Variants in CFAP97 observed in about 807,000 individuals in gnomAD.
CFAP97 encodes the protein cilia- and flagella-associated protein 97.
In CFAP97, 36 loss-of-function variants were observed where a neutral mutation model predicts 43.1. The ratio of observed to expected loss-of-function variants is 0.84; its 90% CI spans 0.64 to 1.10. The LOEUF is 1.10. Ranked by LOEUF, CFAP97 falls within the 50% of genes least tolerant of loss-of-function variation. The probability of loss-of-function intolerance (pLI) is 0.00; values close to 1 mark genes in which losing one functional copy is unlikely to be tolerated. For missense variants in CFAP97, 657 were observed against 620.3 expected, an observed-to-expected ratio of 1.06 and a Z score of -0.63; for synonymous variants, 228 against 225.7, an observed-to-expected ratio of 1.01 and a Z score of -0.09.
chr4:185,159,851 T>C lies in CFAP97; in HGVS notation c.*2947A>G, dbSNP rs569446501. On this transcript the variant is annotated 3_prime_UTR_variant, in exon 5 of 5. Transcript: ENST00000458385. ...TTCTAAGATTGTATATAATCATTTATAGGTTAAGACTTTTTTGGCATTGAA... is the reference window on the plus strand; with the variant it reads ...TTCTAAGATTGTATATAATCATTTACAGGTTAAGACTTTTTTGGCATTGAA... The C allele has an allele frequency of 1.3e-5, 2 of 152,372 alleles. No individual in the cohort carries two copies. The highest frequency in any genetic ancestry group is 2.4e-5 in the African/African-American group (1 of 41,594). 9.4% of individuals were successfully genotyped at this position (152,372 alleles called of 1,614,324 possible). A position where few individuals can be genotyped will look rare whatever the true frequency, so the allele number is the denominator to read the frequency against.
At chr4:185,199,447 T>TCACCTGATCCACCTGAGGTCAGGTGATC (rs1459196071) in intron 1 of CFAP97, among the ~76,000 whole-genome samples, 1 of 152,016 alleles carries the variant, frequency 6.6e-6, no homozygotes, top group Non-Finnish European at 1.5e-5. Context: ...GGCAGGTGGA[T>TCACCTGATCCACCTGAGGTCAGGTGATC]CACCTGAGGT....
At position 185,190,996 on chromosome 4, in the gene CFAP97, C is replaced by A; in HGVS notation, c.201G>T (p.Lys67Asn). Residue 67 changes from lysine to asparagine, a missense_variant, in exon 2 of 5, where the codon AAG (lysine) becomes AAT (asparagine). Coordinates refer to ENST00000458385, the MANE Select transcript of CFAP97 (RefSeq NM_020827.3). ...GAAATTTCACGTTTCTTTCATTTCCCTTCTCAGTAAGATAATTTTCTGTTG... is the reference window on the plus strand; with the variant it reads ...GAAATTTCACGTTTCTTTCATTTCCATTCTCAGTAAGATAATTTTCTGTTG... ...MQTTENYLTE[K>N]GNERNVKFPP... The A allele has an allele frequency of 6.2e-7, 1 of 1,613,596 alleles. No homozygotes were observed. Among genetic ancestry groups the A allele is most frequent in the Non-Finnish European group, 8.5e-7 (1 of 1,179,686 alleles).
chr4:185,190,221 C>A lies in CFAP97; in HGVS notation c.976G>T (p.Val326Leu), dbSNP rs1736172905. The change falls in exon 2 of 5, where the codon GTG (valine) becomes TTG (leucine). Residue 326 changes from valine (V) to leucine (L), a missense_variant. Val to Leu is a conservative substitution (Grantham distance 32, BLOSUM62 1). Coordinates refer to ENST00000458385, the MANE Select transcript of CFAP97 (RefSeq NM_020827.3). ...CTGTGGTCTAAACTGGAGTCTAACA[C>A]TGAAGACGACTTTGAGGAGACATCA... Reference protein sequence around the residue: ...EPDVSSKSSSVLDSSLDHRHK... With the variant: ...EPDVSSKSSSLLDSSLDHRHK... 2.5e-6 allele frequency: 4 copies of A among 1,613,570 alleles called. No homozygotes were observed. Among genetic ancestry groups the A allele is most frequent in the Non-Finnish European group, 3.4e-6 (4 of 1,179,766 alleles).
intron 2 of CFAP97, among the ~76,000 whole-genome samples, chr4:185,180,280 C>G (rs1011410978): frequency 1.2e-4 from 18 of 152,078 alleles, no homozygotes; most frequent in African/African-American, 3.6e-4. Context: ...ACACGGAACA[C>G]AAAATTTACC....
At position 185,175,416 on chromosome 4, in the gene CFAP97, GCCACCATGC is replaced by G. The variant is rs1303464242; in HGVS notation, c.1320+361_1320+369del. 2.6e-5 allele frequency among the ~76,000 whole-genome samples: 4 copies of G among 152,108 alleles called. No individual in the cohort carries two copies. The East Asian group carries it at 7.7e-4, about 29-fold the overall frequency. ...CAAGTATCTGGGACCACGGGTGTGT[GCCACCATGC>G]CCACCATGCCCAGTTAATTTCTGCA... On this transcript the variant is annotated intron_variant, in intron 3 of 4. Transcript: ENST00000458385.
At chr4:185,199,811 T>C (rs1414132496) in intron 1 of CFAP97, among the ~76,000 whole-genome samples, 1 of 150,064 alleles carries the variant, frequency 6.7e-6, no homozygotes, top group Non-Finnish European at 1.5e-5. Flanking sequence ...TTAAGCCCAC[T>C]GTTGAGATCG....
intron 2 of CFAP97, among the ~76,000 whole-genome samples, chr4:185,177,664 G>A (rs1183024770): frequency 3.3e-5 from 5 of 151,674 alleles, no homozygotes; most frequent in Non-Finnish European, 7.4e-5. Flanking sequence ...GCAAAACCCC[G>A]TCTCTACTAA....
intron 4 of CFAP97, 44 bp from the exon 5 acceptor site, chr4:185,162,969 C>A: frequency 6.8e-7 from 1 of 1,480,018 alleles, no homozygotes; most frequent in African/African-American, 1.4e-5. Flanking sequence ...CTTCTCCTCA[C>A]TTGAAGTCCA....
intron 3 of CFAP97, among the ~76,000 whole-genome samples, chr4:185,174,517 T>G (rs1735438589): frequency 6.6e-6 from 1 of 152,188 alleles, no homozygotes; most frequent in African/African-American, 2.4e-5. Flanking sequence ...CAAGTTTAGG[T>G]AAGTATATGG....
intron 3 of CFAP97, chr4:185,170,033 A>G: frequency 8.6e-7 from 1 of 1,162,608 alleles, no homozygotes; most frequent in African/African-American, 1.6e-5. Context: ...CCCTTTAATT[A>G]TTCCACATAA....
intron 4 of CFAP97, among the ~76,000 whole-genome samples, chr4:185,163,506 A>C (rs1734949646): frequency 6.6e-6 from 1 of 151,636 alleles, no homozygotes; most frequent in Non-Finnish European, 1.5e-5. Flanking sequence ...CTAAATGGTC[A>C]CTCCATTCCT....
At chr4:185,182,059 AT>A (rs1275428507) in intron 2 of CFAP97, 2 of 152,158 alleles carry the variant, frequency 1.3e-5, no homozygotes, top group African/African-American at 4.8e-5. Context: ...TGTAGTGATT[AT>A]TTCATAGTTT....
upstream of CFAP97, among the ~76,000 whole-genome samples, chr4:185,204,781 T>G (rs992266529): frequency 6.6e-6 from 1 of 151,810 alleles, no homozygotes; most frequent in African/African-American, 2.4e-5. Context: ...GAGGTTGGAG[T>G]GATGTCAGAG....
intron 2 of CFAP97, among the ~76,000 whole-genome samples, chr4:185,187,501 T>C (rs967313111): frequency 2.7e-5 from 4 of 150,116 alleles, no homozygotes; most frequent in African/African-American, 9.8e-5. Context: ...CTCCCAAAGA[T>C]AGATGTCTAG....
At chr4:185,181,555 C>A (rs1735791712) in intron 2 of CFAP97, among the ~76,000 whole-genome samples, 1 of 152,014 alleles carries the variant, frequency 6.6e-6, no homozygotes, top group African/African-American at 2.4e-5. Context: ...GAACACCCGA[C>A]CTCAGGTGAT....
At chr4:185,195,803 G>A (rs190553136) in intron 1 of CFAP97, among the ~76,000 whole-genome samples, 3 of 152,260 alleles carry the variant, frequency 2.0e-5, no homozygotes, top group African/African-American at 7.2e-5. Flanking sequence ...CCACTGAATG[G>A]TGAATAGGTC....
intron 2 of CFAP97, among the ~76,000 whole-genome samples, chr4:185,181,929 C>G (rs913664040): frequency 2.0e-5 from 3 of 152,162 alleles, no homozygotes; most frequent in African/African-American, 7.2e-5. Flanking sequence ...GAACAAGGCA[C>G]TTCACTTCAA....
rs1734812655 is a variant in CFAP97, at chr4:185,159,787, C to A, written c.*3011G>T. ...AATTTTAAGTTTCTTACTAATCTTT[C>A]CTCATAGAAATAAAGAAGCCATAAC... On this transcript the variant is annotated 3_prime_UTR_variant, in exon 5 of 5. Transcript: ENST00000458385. 1 of 152,128 alleles carries A rather than the reference C, an allele frequency of 6.6e-6. No individual in the cohort carries two copies. The highest frequency in any genetic ancestry group is 2.1e-4 in the South Asian group (1 of 4,824). The allele number at this position is 152,128 out of a possible 1,614,324, so 9.4% of individuals were successfully genotyped here. A position where few individuals can be genotyped will look rare whatever the true frequency, so the allele number is the denominator to read the frequency against.
At chr4:185,190,074 A>C in intron 2 of CFAP97, 69 bp downstream of exon 2, 1 of 1,238,782 alleles carries the variant, frequency 8.1e-7, no homozygotes, top group Non-Finnish European at 1.1e-6. Context: ...ATGCAAATTC[A>C]TAGCATTTAA....
Sources: gnomAD v4.1 joint callset for allele counts (sites outside exome capture counted in the v4.1 genomes callset) on GRCh38, gnomAD v4.1.1 for gene constraint, MANE v1.5 for transcripts, NCBI Gene and HGNC (gene_info 2026-07-23, HGNC 2026-07-21) for gene names.